KCNIP4: variants seen among roughly 807,000 people sequenced by gnomAD.
KCNIP4 encodes the protein Kv channel-interacting protein 4.
In KCNIP4, 12 loss-of-function variants were observed where a neutral mutation model predicts 34.0. The observed-to-expected ratio is 0.35, with a 90% CI of 0.23 to 0.57. The LOEUF is 0.57. Ranked by LOEUF, KCNIP4 falls within the 20% of genes least tolerant of loss-of-function variation. The pLI is 0.83. For synonymous variants in KCNIP4, 124 were observed against 102.2 expected (o/e 1.21, Z -1.29); for missense variants, 238 against 311.7 (o/e 0.76, Z 1.78).
chr4:21,017,960 A>G (rs1293692563), intron 1 of KCNIP4, among the ~76,000 whole-genome samples: 1 of 152,128 alleles, frequency 6.6e-6, no homozygotes, highest in Non-Finnish European at 1.5e-5. Flanking sequence ...CACAGTTTTG[A>G]TGTGGTGTTT....
chr4:21,807,090 T>A (rs934536587), intron 1 of KCNIP4, among the ~76,000 whole-genome samples: 11 of 152,016 alleles, frequency 7.2e-5, no homozygotes, highest in African/African-American at 2.7e-4. Flanking sequence ...ATAAGGAGCA[T>A]GCAACCTAGA....
At chr4:21,553,414 G>A (rs1018203864) in intron 1 of KCNIP4, among the ~76,000 whole-genome samples, 27 of 152,110 alleles carry the variant, frequency 1.8e-4, no homozygotes, top group African/African-American at 6.3e-4. Context: ...CCCGATGGAG[G>A]TCCACTTCTT....
chr4:21,820,285 GTATATA>G lies in KCNIP4; in HGVS notation c.61+128280_61+128285del, dbSNP rs869204752. 9.8e-3 allele frequency among the ~76,000 whole-genome samples: 203 copies of G among 20,650 alleles called. 2 individuals carry two copies. The highest frequency in any genetic ancestry group is 0.042 in the Middle Eastern group (1 of 24). The allele number at this position is 20,650 out of a possible 152,430, so 13.5% of individuals were successfully genotyped here. A position where few individuals can be genotyped will look rare whatever the true frequency, so the allele number is the denominator to read the frequency against. On this transcript the variant is annotated intron_variant, in intron 1 of 8. Coordinates refer to ENST00000382152, the MANE Select transcript of KCNIP4 (RefSeq NM_025221.6). ...GTATATCTTATGTATGTGTGTGTGT[GTATATA>G]TATATATATATATATATATATATAT...
intron 1 of KCNIP4, among the ~76,000 whole-genome samples, chr4:21,021,850 G>A (rs974691339): frequency 7.5e-6 from 1 of 134,012 alleles, no homozygotes; most frequent in Non-Finnish European, 1.6e-5. Context: ...ATAATGAAAA[G>A]TATAGTATCG....
intron 1 of KCNIP4, among the ~76,000 whole-genome samples, chr4:21,430,295 A>T (rs1399582664): frequency 6.6e-6 from 1 of 152,126 alleles, no homozygotes; most frequent in Non-Finnish European, 1.5e-5. Context: ...TTTCAAAGTG[A>T]TAACGGCTTT....
intron 1 of KCNIP4, among the ~76,000 whole-genome samples, chr4:21,646,417 T>C (rs1043115720): frequency 6.6e-6 from 1 of 152,210 alleles, no homozygotes. Flanking sequence ...TTGTTGTCTT[T>C]GTTGGTATAA....
chr4:21,592,501 G>A (rs1368623560), intron 1 of KCNIP4, among the ~76,000 whole-genome samples: 2 of 152,016 alleles, frequency 1.3e-5, no homozygotes, highest in South Asian at 4.1e-4. Flanking sequence ...GGATAATTTT[G>A]TTAAGGTTGA....
chr4:21,167,352 A>G (rs1016985465), intron 1 of KCNIP4, among the ~76,000 whole-genome samples: 4 of 152,258 alleles, frequency 2.6e-5, no homozygotes, highest in Non-Finnish European at 4.4e-5. Context: ...TATGTCAAGT[A>G]TAGCTTACTT....
chr4:21,259,944 G>A (rs1032732902), intron 1 of KCNIP4, among the ~76,000 whole-genome samples: 3 of 146,764 alleles, frequency 2.0e-5, no homozygotes, highest in African/African-American at 7.6e-5. Context: ...TGTGCATTGT[G>A]CAATGTCTAA....
intron 1 of KCNIP4, among the ~76,000 whole-genome samples, chr4:21,240,313 A>G (rs1406077391): frequency 7.2e-6 from 1 of 139,258 alleles, no homozygotes; most frequent in African/African-American, 3.3e-5. Flanking sequence ...AACATGGCAC[A>G]TGTATACATA....
At chr4:21,553,896 C>T (rs547724001) in intron 1 of KCNIP4, among the ~76,000 whole-genome samples, 1 of 152,010 alleles carries the variant, frequency 6.6e-6, no homozygotes, top group African/African-American at 2.4e-5. Context: ...TTAATTATAC[C>T]TAAAAAGTTC....
At chr4:21,672,226 A>G (rs1364743608) in intron 1 of KCNIP4, among the ~76,000 whole-genome samples, 1 of 152,204 alleles carries the variant, frequency 6.6e-6, no homozygotes, top group East Asian at 1.9e-4. Flanking sequence ...GCACGTGTAT[A>G]CTTATGTAAC....
chr4:21,201,585 G>A (rs1163964945), intron 1 of KCNIP4, among the ~76,000 whole-genome samples: 9 of 152,064 alleles, frequency 5.9e-5, no homozygotes, highest in African/African-American at 1.9e-4. Flanking sequence ...TGCAAGCTCC[G>A]CCTCCCAGGT....
chr4:20,745,970 G>A (rs757179413), intron 5 of KCNIP4, among the ~76,000 whole-genome samples: 20 of 152,158 alleles, frequency 1.3e-4, no homozygotes, highest in Middle Eastern at 3.2e-3. Context: ...AGACTGTGGC[G>A]ATTCCTCAAG....
At chr4:21,311,806 G>T (rs984065138) in intron 1 of KCNIP4, among the ~76,000 whole-genome samples, 2 of 152,194 alleles carry the variant, frequency 1.3e-5, no homozygotes, top group African/African-American at 4.8e-5. Context: ...ATGCAGTGAG[G>T]TGTTGGCATG....
intron 1 of KCNIP4, among the ~76,000 whole-genome samples, chr4:20,908,906 T>C (rs565997439): frequency 6.6e-6 from 1 of 152,356 alleles, no homozygotes; most frequent in South Asian, 2.1e-4. Context: ...CATTGTTTAG[T>C]AAATAGCTTG....
chr4:21,925,283 T>C (rs1402584929), intron 1 of KCNIP4, among the ~76,000 whole-genome samples: 2 of 146,292 alleles, frequency 1.4e-5, no homozygotes, highest in Non-Finnish European at 3.0e-5. Flanking sequence ...CCTTCCTGTG[T>C]CCATGGGTTC....
intron 1 of KCNIP4, among the ~76,000 whole-genome samples, chr4:21,503,837 A>G (rs1444030263): frequency 6.6e-6 from 1 of 152,218 alleles, no homozygotes; most frequent in Non-Finnish European, 1.5e-5. Flanking sequence ...TCATGAGAGC[A>G]GTGTCTTAGT....
At position 20,948,394 on chromosome 4, in the gene KCNIP4, C is replaced by G. The variant is rs144700730; in HGVS notation, c.62-65685G>C. Among the ~76,000 whole-genome samples the G allele has an allele frequency of 2.0e-3, 301 of 152,338 alleles. 1 individual carries two copies. Among genetic ancestry groups the G allele is most frequent in the African/African-American group, 7.0e-3 (291 of 41,576 alleles). Reference sequence around the variant, plus strand: ...GAGTTTCCCTGAGTCAAATACCAGGCTGGACTTTGCAGGACCTAGAGCTCA... The same window carrying G: ...GAGTTTCCCTGAGTCAAATACCAGGGTGGACTTTGCAGGACCTAGAGCTCA... On this transcript the variant is annotated intron_variant, in intron 1 of 8. Transcript: ENST00000382152.
Sources: allele counts gnomAD v4.1 joint callset (sites outside exome capture counted in the v4.1 genomes callset), GRCh38; gene constraint gnomAD v4.1.1; transcripts MANE v1.5; gene names NCBI Gene and HGNC (gene_info 2026-07-23, HGNC 2026-07-21).